Variants in MOSMO observed in about 807,000 individuals in gnomAD.
MOSMO encodes modulator of smoothened.
MOSMO carries 5 observed loss-of-function variants against 18.4 expected under a neutral mutation model. The observed-to-expected ratio is 0.27, with a 90% CI of 0.14 to 0.57. The LOEUF (loss-of-function observed/expected upper bound fraction) is 0.57, where lower values mean the gene tolerates loss of function less well. Among genes scored for constraint, MOSMO ranks in the 20% least tolerant of loss-of-function variants. MOSMO has a pLI of 0.92. For synonymous variants in MOSMO, 82 were observed against 82.3 expected (o/e 1.00, Z 0.02); for missense variants, 138 against 211.8 (o/e 0.65, Z 2.16).
chr16:22,012,730 G>T (rs1266943972), intron 1 of MOSMO, among the ~76,000 whole-genome samples: 1 of 109,066 alleles, frequency 9.2e-6, no homozygotes, highest in Non-Finnish European at 1.8e-5. Context: ...AACTACCATA[G>T]AAGGAATAGA....
intron 1 of MOSMO, among the ~76,000 whole-genome samples, chr16:22,064,638 A>G (rs1286572931): frequency 2.0e-5 from 3 of 152,234 alleles, no homozygotes; most frequent in African/African-American, 7.2e-5. Flanking sequence ...CATGATTGAA[A>G]GATTTCATAG....
At position 22,066,722 on chromosome 16, in the gene MOSMO, A is replaced by G. The variant is rs369301598; in HGVS notation, c.107-8765A>G. 4.1e-4 allele frequency among the ~76,000 whole-genome samples: 62 copies of G among 152,368 alleles called. 2 individuals are homozygous for G. The South Asian group carries it at 0.013, about 31-fold the overall frequency. On this transcript the variant is annotated intron_variant, in intron 1 of 2. Transcript: ENST00000542527. Reference sequence around the variant, plus strand: ...ACGCAACAAAGGATACAGACTTTACAGAATGATTCCAGGAAGGTTAGTAAA... The same window carrying G: ...ACGCAACAAAGGATACAGACTTTACGGAATGATTCCAGGAAGGTTAGTAAA...
intron 2 of MOSMO, among the ~76,000 whole-genome samples, chr16:22,079,090 A>G (rs541609913): frequency 6.6e-6 from 1 of 152,232 alleles, no homozygotes; most frequent in Admixed American, 6.5e-5. Context: ...GTTTTTTCTC[A>G]TTGTATTGCT....
intron 1 of MOSMO, among the ~76,000 whole-genome samples, chr16:22,018,078 C>G (rs1359987179): frequency 2.0e-5 from 3 of 151,922 alleles, no homozygotes; most frequent in African/African-American, 7.3e-5. Context: ...CTTTGTGTGT[C>G]TCATTATACT....
intron 1 of MOSMO, among the ~76,000 whole-genome samples, chr16:22,074,107 CACACGT>C (rs1404444127): frequency 6.6e-6 from 1 of 152,150 alleles, no homozygotes; most frequent in African/African-American, 2.4e-5. Flanking sequence ...CCCACCTAGC[CACACGT>C]GCACGTGCAC....
Position 22,057,705 on chromosome 16 carries a change from A to T in MOSMO, c.107-17782A>T, listed in dbSNP as rs575777248. Among the ~76,000 whole-genome samples the T allele has an allele frequency of 6.6e-5, 10 of 152,372 alleles. No individual in the cohort carries two copies. The South Asian group carries it at 2.1e-3, about 32-fold the overall frequency. The stretch of plus-strand genomic sequence containing the variant: ...AGCAGTTAACAGACAACAAAAAAAT[A>T]AAAATAAATATAATTGTCATAGTGC... On this transcript the variant is annotated intron_variant, in intron 1 of 2. Transcript: ENST00000542527.
In MOSMO at chr16:22,080,783, A is replaced by G. The variant is rs1350845913; in HGVS notation, c.407A>G (p.Asn136Ser). 11 of 1,499,088 alleles carry G rather than the reference A, an allele frequency of 7.3e-6. No individual in the cohort carries two copies. In the East Asian group the frequency reaches 2.9e-4, roughly 39 times the overall value. 92.9% of individuals were successfully genotyped at this position (1,499,088 alleles called of 1,614,324 possible). The change falls in exon 3 of 3, where the codon AAC becomes AGC. Residue 136 changes from asparagine (N) to serine (S), a missense_variant. Physicochemically the swap from Asn to Ser is conservative, Grantham distance 46. Coordinates refer to ENST00000542527, the MANE Select transcript of MOSMO (RefSeq NM_001164579.2). ...GGTCAACCTTATAAATTACCCAACAACACAGTAGTTGGGTCATCATATGTA... is the reference window on the plus strand; with the variant it reads ...GGTCAACCTTATAAATTACCCAACAGCACAGTAGTTGGGTCATCATATGTA... ...VGGQPYKLPNNTVVGSSYVLF... is the reference protein window; with the variant it reads ...VGGQPYKLPNSTVVGSSYVLF...
At chr16:22,063,764 A>C (rs1360282124) in intron 1 of MOSMO, among the ~76,000 whole-genome samples, 2 of 152,136 alleles carry the variant, frequency 1.3e-5, no homozygotes, top group African/African-American at 2.4e-5. Context: ...ATCTCCCTCT[A>C]TATATATGTT....
In MOSMO at chr16:22,082,158, A is replaced by G. The variant is rs1268522314; in HGVS notation, c.*1278A>G. The G allele has an allele frequency of 6.6e-6, 1 of 152,196 alleles. No homozygotes were observed. Among genetic ancestry groups the G allele is most frequent in the Non-Finnish European group, 1.5e-5 (1 of 68,034 alleles). 9.4% of individuals were successfully genotyped at this position (152,196 alleles called of 1,614,324 possible). A position where few individuals can be genotyped will look rare whatever the true frequency, so the allele number is the denominator to read the frequency against. On this transcript the variant is annotated 3_prime_UTR_variant, in exon 3 of 3. Coordinates refer to ENST00000542527, the MANE Select transcript of MOSMO (RefSeq NM_001164579.2). Reference sequence around the variant, plus strand: ...CACTAATTTCATTATTTTTATCTGTAAGCATTATTAATACATCTTTACCAA... The same window carrying G: ...CACTAATTTCATTATTTTTATCTGTGAGCATTATTAATACATCTTTACCAA...
intron 1 of MOSMO, among the ~76,000 whole-genome samples, chr16:22,062,914 G>A (rs1211396331): frequency 2.0e-5 from 3 of 152,120 alleles, no homozygotes; most frequent in East Asian, 1.9e-4. Flanking sequence ...GTGCCATGAC[G>A]CGATCTCGGC....
chr16:22,084,995 C>G (rs1024285760), downstream of MOSMO: 1 of 152,202 alleles, frequency 6.6e-6, no homozygotes, highest in African/African-American at 2.4e-5. Context: ...TCTTTCTATT[C>G]TTTCTTCCTT....
chr16:22,063,613 TA>T (rs1320831131), intron 1 of MOSMO, among the ~76,000 whole-genome samples: 6 of 152,194 alleles, frequency 3.9e-5, no homozygotes, highest in Admixed American at 3.9e-4. Context: ...GATGTTTCTT[TA>T]AGGAGAATAA....
intron 1 of MOSMO, among the ~76,000 whole-genome samples, chr16:22,061,850 T>C (rs969485502): frequency 6.6e-6 from 1 of 152,188 alleles, no homozygotes; most frequent in Non-Finnish European, 1.5e-5. Flanking sequence ...TGCAAAAGCT[T>C]AGGTAGTGTT....
intron 1 of MOSMO, among the ~76,000 whole-genome samples, chr16:22,012,200 G>C (rs1160425197): frequency 6.6e-6 from 1 of 152,188 alleles, no homozygotes; most frequent in African/African-American, 2.4e-5. Flanking sequence ...AGCTGAAATA[G>C]TCTGCAGAAT....
Position 22,008,358 on chromosome 16 carries a change from C to A in MOSMO, c.57C>A (p.Ala19=). The A allele has an allele frequency of 6.5e-7, 1 of 1,533,978 alleles. No individual in the cohort carries two copies. Among genetic ancestry groups the A allele is most frequent in the Non-Finnish European group, 8.7e-7 (1 of 1,146,050 alleles). The stretch of plus-strand genomic sequence containing the variant: ...TCTTTCTGGCCGCCGATATCTTCGC[C>A]ATCGCCAGCATCGCCAACCCGGACT... The part of the protein sequence containing the change: ...GCLFLAADIF[A]IASIANPDWI... The change falls in exon 1 of 3, where the codon GCC becomes GCA. Residue 19 remains alanine (A), a synonymous_variant. Coordinates refer to ENST00000542527, the MANE Select transcript of MOSMO (RefSeq NM_001164579.2).
At chr16:22,077,568 A>G (rs912410001) in intron 2 of MOSMO, among the ~76,000 whole-genome samples, 1 of 152,148 alleles carries the variant, frequency 6.6e-6, no homozygotes, top group African/African-American at 2.4e-5. Flanking sequence ...GCACAGAAAC[A>G]TATCTATTAT....
chr16:22,071,394 C>T (rs1414599054), intron 1 of MOSMO, among the ~76,000 whole-genome samples: 1 of 152,242 alleles, frequency 6.6e-6, no homozygotes, highest in African/African-American at 2.4e-5. Flanking sequence ...TTTGCTCTGA[C>T]AGACTGGTGG....
At chr16:22,080,519 A>G (rs1488079943) in intron 2 of MOSMO, among the ~76,000 whole-genome samples, 177 bp from the exon 3 acceptor site, 2 of 152,226 alleles carry the variant, frequency 1.3e-5, no homozygotes, top group Non-Finnish European at 2.9e-5. Flanking sequence ...CTTTTACTGT[A>G]TTGTTAGGCT....
intron 1 of MOSMO, among the ~76,000 whole-genome samples, chr16:22,055,060 G>A (rs895958501): frequency 6.6e-6 from 1 of 151,698 alleles, no homozygotes; most frequent in African/African-American, 2.4e-5. Flanking sequence ...TCTCTTAATA[G>A]TGTAAGTCTC....
Sources: gnomAD v4.1 joint callset for allele counts (sites outside exome capture counted in the v4.1 genomes callset) on GRCh38, gnomAD v4.1.1 for gene constraint, MANE v1.5 for transcripts, NCBI Gene and HGNC (gene_info 2026-07-23, HGNC 2026-07-21) for gene names.